Variants in SLAIN2 observed in about 807,000 individuals in gnomAD.
SLAIN2 encodes SLAIN family member 2.
SLAIN2 carries 31 observed loss-of-function variants against 56.6 expected under a neutral mutation model. The observed-to-expected ratio is 0.55, with a 90% CI of 0.41 to 0.74. The LOEUF (loss-of-function observed/expected upper bound fraction) is 0.74, where lower values mean the gene tolerates loss of function less well. SLAIN2 is among the 30% of genes least tolerant of loss of function. The pLI is 0.00. For missense variants in SLAIN2, 777 were observed against 754.2 expected (o/e 1.03, Z -0.35); for synonymous variants, 317 against 284.9 (o/e 1.11, Z -1.13).
At chr4:48,347,185 G>A (rs1714889857) in intron 1 of SLAIN2, among the ~76,000 whole-genome samples, 1 of 150,454 alleles carries the variant, frequency 6.6e-6, no homozygotes, top group South Asian at 2.1e-4. Context: ...GTGTGCCCAT[G>A]TTTTTATATG....
At chr4:48,387,607 TCA>T (rs1716133170) in intron 6 of SLAIN2, 1 of 151,946 alleles carries the variant, frequency 6.6e-6, no homozygotes, top group Non-Finnish European at 1.5e-5. Flanking sequence ...AATTAAAATG[TCA>T]CATATTTATT....
intron 2 of SLAIN2, among the ~76,000 whole-genome samples, chr4:48,376,689 T>A (rs1263659861): frequency 7.0e-6 from 1 of 143,534 alleles, no homozygotes; most frequent in Non-Finnish European, 1.5e-5. Flanking sequence ...TGGCTCGATA[T>A]CGGCTCACTG....
chr4:48,418,022 C>T (rs1464656607), intron 6 of SLAIN2, among the ~76,000 whole-genome samples: 1 of 151,758 alleles, frequency 6.6e-6, no homozygotes, highest in Admixed American at 6.6e-5. Flanking sequence ...TTGGGATTTT[C>T]TGTGTAGACA....
chr4:48,346,508 T>C (rs1714871233), intron 1 of SLAIN2, among the ~76,000 whole-genome samples: 1 of 152,256 alleles, frequency 6.6e-6, no homozygotes. Flanking sequence ...TTTTATACTT[T>C]TTTGTCACTC....
chr4:48,354,905 T>G (rs1331552287), intron 1 of SLAIN2, among the ~76,000 whole-genome samples: 1 of 150,286 alleles, frequency 6.7e-6, no homozygotes, highest in Non-Finnish European at 1.5e-5. Flanking sequence ...TTTTCTTTTT[T>G]TCTTTTTTTT....
At chr4:48,350,699 A>C (rs1010695234) in intron 1 of SLAIN2, among the ~76,000 whole-genome samples, 2 of 152,222 alleles carry the variant, frequency 1.3e-5, no homozygotes, top group African/African-American at 2.4e-5. Flanking sequence ...GTTATGGAGG[A>C]AATGAACAAC....
chr4:48,348,665 G>A (rs1347595680), intron 1 of SLAIN2, among the ~76,000 whole-genome samples: 1 of 150,254 alleles, frequency 6.7e-6, no homozygotes, highest in Non-Finnish European at 1.5e-5. Flanking sequence ...ACTCCAGCCT[G>A]GGCGACAGAG....
rs1018227247 is a variant in SLAIN2, at chr4:48,342,084, C to A, written c.345C>A (p.Asp115Glu). 4.3e-5 allele frequency: 59 copies of A among 1,365,606 alleles called. No homozygotes were observed. Among genetic ancestry groups the A allele is most frequent in the Non-Finnish European group, 5.1e-5 (54 of 1,066,356 alleles). 84.6% of individuals were successfully genotyped at this position (1,365,606 alleles called of 1,614,324 possible). ...LLDEVEPLRP[D>E]ELERLSGWEE... ...ACGAGGTGGAGCCGCTGCGGCCCGA[C>A]GAGCTGGAGCGCCTGTCAGGCTGGG... is the stretch of plus-strand genomic sequence containing the variant. Residue 115 changes from aspartate (D) to glutamate (E), a missense_variant, in exon 1 of 8, where the codon GAC becomes GAA. Physicochemically the swap from Asp to Glu is conservative, Grantham distance 45. Transcript: ENST00000264313.
intron 4 of SLAIN2, among the ~76,000 whole-genome samples, chr4:48,381,874 G>T (rs1387998643): frequency 6.6e-6 from 1 of 151,714 alleles, no homozygotes; most frequent in East Asian, 1.9e-4. Context: ...TTTTTTTTCT[G>T]TTGTTCTAGA....
intron 6 of SLAIN2, among the ~76,000 whole-genome samples, chr4:48,412,380 A>G (rs1380487112): frequency 1.3e-5 from 1 of 74,644 alleles, no homozygotes; most frequent in African/African-American, 3.9e-5. Flanking sequence ...ACACACACAC[A>G]CACACACACA....
rs1717221465 is a variant in SLAIN2, at chr4:48,423,628, A to C, written c.*1551A>C. ...TTGATAGGTTGATGATAAAAACTTAAAACCAGGACCTCCATTCTGTCATGA... is the reference window on the plus strand; with the variant it reads ...TTGATAGGTTGATGATAAAAACTTACAACCAGGACCTCCATTCTGTCATGA... On this transcript the variant is annotated 3_prime_UTR_variant, in exon 8 of 8. Transcript: ENST00000264313. 6.6e-6 allele frequency: 1 copy of C among 152,164 alleles called. No individual in the cohort carries two copies. Among genetic ancestry groups the C allele is most frequent in the African/African-American group, 2.4e-5 (1 of 41,446 alleles). 9.4% of individuals were successfully genotyped at this position (152,164 alleles called of 1,614,324 possible).
intron 6 of SLAIN2, among the ~76,000 whole-genome samples, chr4:48,410,424 G>A (rs1166539072): frequency 6.6e-6 from 1 of 151,996 alleles, no homozygotes; most frequent in Admixed American, 6.6e-5. Context: ...AAGCACAAAA[G>A]TTCTTAATTT....
chr4:48,354,706 C>T (rs533474870), intron 1 of SLAIN2, among the ~76,000 whole-genome samples: 6 of 152,014 alleles, frequency 3.9e-5, no homozygotes, highest in Non-Finnish European at 8.8e-5. Context: ...TCAGATGATC[C>T]GCCTACCTCG....
chr4:48,362,735 T>TC (rs1179446091), intron 1 of SLAIN2, among the ~76,000 whole-genome samples: 7 of 137,678 alleles, frequency 5.1e-5, no homozygotes, highest in Non-Finnish European at 1.1e-4. Context: ...TAAATTTCTT[T>TC]TTTTTTTTTT....
intron 6 of SLAIN2, among the ~76,000 whole-genome samples, chr4:48,401,882 G>T (rs560057756): frequency 1.3e-5 from 2 of 152,290 alleles, no homozygotes; most frequent in African/African-American, 4.8e-5. Flanking sequence ...GTGTACTTCA[G>T]TGTGTTTTTG....
chr4:48,385,332 A>C (rs1187448327), intron 6 of SLAIN2, among the ~76,000 whole-genome samples: 2 of 152,222 alleles, frequency 1.3e-5, no homozygotes, highest in Non-Finnish European at 2.9e-5. Flanking sequence ...TTCACAGCTC[A>C]CATCAGTCCC....
Position 48,383,590 on chromosome 4 carries a change from T to G in SLAIN2, c.1223-57T>G. ...TTGATTTTTGAATGCTAGTTAATAT[T>G]TTAATTTTCTCCATCTGAAAGAATA... is the stretch of plus-strand genomic sequence containing the variant. On this transcript the variant is annotated intron_variant, in intron 5 of 7. Coordinates refer to ENST00000264313, the MANE Select transcript of SLAIN2 (RefSeq NM_020846.2). The G allele has an allele frequency of 2.1e-6, 3 of 1,412,710 alleles. No homozygotes were observed. The Admixed American group carries it at 7.9e-5, about 37-fold the overall frequency. 87.5% of individuals were successfully genotyped at this position (1,412,710 alleles called of 1,614,324 possible).
chr4:48,366,090 G>T (rs1160475485), intron 1 of SLAIN2, among the ~76,000 whole-genome samples: 1 of 152,126 alleles, frequency 6.6e-6, no homozygotes, highest in Non-Finnish European at 1.5e-5. Context: ...TTGTAAGTAT[G>T]TTGTTTAATT....
At chr4:48,412,101 G>A (rs556960354) in intron 6 of SLAIN2, among the ~76,000 whole-genome samples, 1 of 151,800 alleles carries the variant, frequency 6.6e-6, no homozygotes, top group South Asian at 2.1e-4. Flanking sequence ...CATTTTTTCC[G>A]CTTTCCTCAC....
Sources: gnomAD v4.1 joint callset for allele counts (sites outside exome capture counted in the v4.1 genomes callset) on GRCh38, gnomAD v4.1.1 for gene constraint, MANE v1.5 for transcripts, NCBI Gene and HGNC (gene_info 2026-07-23, HGNC 2026-07-21) for gene names.